Variants in PROS1 observed in about 807,000 individuals in gnomAD.
PROS1 encodes vitamin K-dependent protein S.
In PROS1, 29 loss-of-function variants were observed where a neutral mutation model predicts 75.9. The ratio of observed to expected loss-of-function variants is 0.38; its 90% CI spans 0.28 to 0.52. The LOEUF is 0.52. PROS1 is among the 20% of genes least tolerant of loss of function. The pLI, the probability that PROS1 is intolerant of heterozygous loss-of-function variation, is 0.83. For missense variants in PROS1, 680 were observed against 810.3 expected (o/e 0.84, Z 1.95); for synonymous variants, 245 against 280.6 (o/e 0.87, Z 1.27).
intron 6 of PROS1, among the ~76,000 whole-genome samples, chr3:93,901,885 A>G (rs1708601026): frequency 6.6e-6 from 1 of 152,236 alleles, no homozygotes; most frequent in Admixed American, 6.5e-5. Flanking sequence ...TACTTCTTAC[A>G]ACTTCATGTG....
Sources: gnomAD v4.1 joint callset for allele counts (sites outside exome capture counted in the v4.1 genomes callset) on GRCh38, gnomAD v4.1.1 for gene constraint, MANE v1.5 for transcripts, NCBI Gene and HGNC (gene_info 2026-07-23, HGNC 2026-07-21) for gene names.